The following AGAP1 variants were observed in gnomAD, a reference collection of about 807,000 sequenced individuals.
AGAP1 encodes arf-GAP with GTPase, ANK repeat and PH domain-containing protein 1.
A neutral mutation model predicts 105.3 loss-of-function variants in AGAP1; 29 were observed. The ratio of observed to expected loss-of-function variants is 0.28; its 90% CI spans 0.21 to 0.38. AGAP1 has a LOEUF of 0.38. Among genes scored for constraint, AGAP1 ranks in the 10% least tolerant of loss-of-function variants. The pLI is 1.00. For synonymous variants in AGAP1, 509 were observed against 485.9 expected, an observed-to-expected ratio of 1.05 and a Z score of -0.63; for missense variants, 998 against 1,165.1, an observed-to-expected ratio of 0.86 and a Z score of 2.09.
In AGAP1 at chr2:236,040,626, T is replaced by C. The variant is rs1224065816; in HGVS notation, c.1801-125T>C. The stretch of plus-strand genomic sequence containing the variant: ...CCAAAGACATCAAAACAAGAGTGAT[T>C]GTTTAGAAATTACCCTCGTCCTACA... On this transcript the variant is annotated intron_variant, in intron 14 of 17. Transcript: ENST00000304032. This position sits in a 1 kb window ranked among gnomAD's most constrained non-coding sequence, Gnocchi z 5.6. 1.7e-6 allele frequency: 1 copy of C among 594,882 alleles called. No homozygotes were observed. The highest frequency in any genetic ancestry group is 2.0e-5 in the African/African-American group (1 of 50,496). 36.9% of individuals were successfully genotyped at this position (594,882 alleles called of 1,614,324 possible). A position where few individuals can be genotyped will look rare whatever the true frequency, so the allele number is the denominator to read the frequency against.
In AGAP1 at chr2:236,005,899, C is replaced by T. The variant is rs574576320; in HGVS notation, c.1646-30662C>T. ...AGGTAGTGTCTGTCAAGTTATTCTG[C>T]TGTAAAGTCATTGTGCCCCTCCACA... On this transcript the variant is annotated intron_variant, in intron 13 of 17. Transcript: ENST00000304032. This position sits in a 1 kb window ranked among gnomAD's most constrained non-coding sequence, Gnocchi z 4.1. 1.3e-5 allele frequency among the ~76,000 whole-genome samples: 2 copies of T among 152,294 alleles called. No individual in the cohort carries two copies. Among genetic ancestry groups the T allele is most frequent in the African/African-American group, 4.8e-5 (2 of 41,566 alleles).
At chr2:235,903,820 A>G (rs894257589) in intron 10 of AGAP1, among the ~76,000 whole-genome samples, 1 of 152,050 alleles carries the variant, frequency 6.6e-6, no homozygotes, top group Non-Finnish European at 1.5e-5. Flanking sequence ...AGTGTTACTC[A>G]TTTGGTAACC....
chr2:235,738,689 C>T (rs1263592815), intron 3 of AGAP1, among the ~76,000 whole-genome samples: 1 of 151,814 alleles, frequency 6.6e-6, no homozygotes, highest in African/African-American at 2.4e-5. Flanking sequence ...TCCCGAGTAG[C>T]TGGGATTACA....
In AGAP1 at chr2:235,865,373, C is replaced by T. The variant is rs959558558; in HGVS notation, c.1051-17972C>T. On this transcript the variant is annotated intron_variant, in intron 9 of 17. Coordinates refer to ENST00000304032, the MANE Select transcript of AGAP1 (RefSeq NM_001037131.3). This position sits in a 1 kb window ranked among gnomAD's most constrained non-coding sequence, Gnocchi z 6.2. The stretch of plus-strand genomic sequence containing the variant: ...CTGTGTGTGGCGCAGCCTTGGGTTC[C>T]GCAAATAGGGCACCCACAGTAACAC... Among the ~76,000 whole-genome samples the T allele has an allele frequency of 2.0e-5, 3 of 152,136 alleles. No individual in the cohort carries two copies. The highest frequency in any genetic ancestry group is 4.8e-5 in the African/African-American group (2 of 41,422).
rs2059975158 is a variant in AGAP1 at position 236,124,632 on chromosome 2, G to T, written c.*510G>T. ...TCAGGTTTGAAGCCCCTATGATGGT[G>T]TGTGTCAAATCAGTTGTAGCTAATC... On this transcript the variant is annotated 3_prime_UTR_variant, in exon 18 of 18. Coordinates refer to ENST00000304032, the MANE Select transcript of AGAP1 (RefSeq NM_001037131.3). This position sits in a 1 kb window ranked among gnomAD's most constrained non-coding sequence, Gnocchi z 5.1. 5.4e-6 allele frequency: 1 copy of T among 183,662 alleles called. No individual in the cohort carries two copies. The highest frequency in any genetic ancestry group is 1.2e-5 in the Non-Finnish European group (1 of 86,636). The allele number at this position is 183,662 out of a possible 1,614,324, so 11.4% of individuals were successfully genotyped here. A position where few individuals can be genotyped will look rare whatever the true frequency, so the allele number is the denominator to read the frequency against.
intron 1 of AGAP1, among the ~76,000 whole-genome samples, chr2:235,499,028 C>T (rs1008658727): frequency 1.3e-5 from 2 of 152,168 alleles, no homozygotes; most frequent in African/African-American, 2.4e-5. Flanking sequence ...CCACAGAGTG[C>T]GGAGTGTCTG....
Position 235,633,500 on chromosome 2 carries a change from G to A in AGAP1, c.164-75679G>A, listed in dbSNP as rs1368385907. On this transcript the variant is annotated intron_variant, in intron 1 of 17. Coordinates refer to ENST00000304032, the MANE Select transcript of AGAP1 (RefSeq NM_001037131.3). The surrounding 1 kb of genome is among the most constrained non-coding windows in gnomAD (Gnocchi z 4.8). ...TTCCAGCTACTCGGGGGCTAAAGCA[G>A]GAGAATCCCTCGAACCCAGGAGGAG... Among the ~76,000 whole-genome samples the A allele has an allele frequency of 6.6e-6, 1 of 152,166 alleles. No individual in the cohort carries two copies. The highest frequency in any genetic ancestry group is 2.4e-5 in the African/African-American group (1 of 41,438).
intron 6 of AGAP1, among the ~76,000 whole-genome samples, chr2:235,780,752 T>C (rs187653892): frequency 2.2e-4 from 34 of 152,350 alleles, no homozygotes; most frequent in South Asian, 1.2e-3. Context: ...CTTTTAGATT[T>C]GCTTCTGAAC....
chr2:236,075,469 G>A (rs537098502), intron 16 of AGAP1, among the ~76,000 whole-genome samples: 12 of 152,172 alleles, frequency 7.9e-5, no homozygotes, highest in Non-Finnish European at 1.8e-4. Flanking sequence ...TGCCCCCTTG[G>A]ACATCGTAAT....
chr2:236,037,589 G>A (rs2057421053), intron 14 of AGAP1, among the ~76,000 whole-genome samples: 1 of 152,030 alleles, frequency 6.6e-6, no homozygotes, highest in African/African-American at 2.4e-5. Flanking sequence ...TATATTATTT[G>A]TGGAGGTGGG....
intron 16 of AGAP1, among the ~76,000 whole-genome samples, chr2:236,077,135 A>AT (rs2058658463): frequency 6.9e-6 from 1 of 144,854 alleles, no homozygotes; most frequent in Non-Finnish European, 1.5e-5. Context: ...AGAAAAAAAA[A>AT]AAAAAAAATA....
intron 1 of AGAP1, among the ~76,000 whole-genome samples, chr2:235,593,056 C>T (rs1945404257): frequency 6.6e-6 from 1 of 152,132 alleles, no homozygotes; most frequent in African/African-American, 2.4e-5. Flanking sequence ...TTCACCTGAC[C>T]AGGTGAGAGA....
intron 16 of AGAP1, among the ~76,000 whole-genome samples, chr2:236,107,615 C>T (rs1242593272): frequency 6.6e-6 from 1 of 152,302 alleles, no homozygotes; most frequent in South Asian, 2.1e-4. Context: ...GAACCTCAGG[C>T]GAAGGTTTGG....
chr2:235,809,088 G>A (rs1957990575), intron 9 of AGAP1, among the ~76,000 whole-genome samples: 1 of 152,066 alleles, frequency 6.6e-6, no homozygotes, highest in South Asian at 2.1e-4. Context: ...CTTAATGCCT[G>A]TCTGTGGTTG....
chr2:235,681,723 A>G (rs1053564772), intron 1 of AGAP1, among the ~76,000 whole-genome samples: 39 of 152,130 alleles, frequency 2.6e-4, no homozygotes, highest in African/African-American at 8.9e-4. Context: ...ACTCTGTGTT[A>G]ATTGACTTTT....
At chr2:236,112,524 C>G (rs943076735) in intron 16 of AGAP1, among the ~76,000 whole-genome samples, 3 of 152,218 alleles carry the variant, frequency 2.0e-5, no homozygotes, top group Non-Finnish European at 4.4e-5. Flanking sequence ...TTCCCTCCCT[C>G]CTGATCTGTT....
At chr2:235,944,941 T>C (rs142540097) in intron 12 of AGAP1, among the ~76,000 whole-genome samples, 1 of 152,328 alleles carries the variant, frequency 6.6e-6, no homozygotes, top group African/African-American at 2.4e-5. Context: ...ACATAGGACC[T>C]TCTCCTGGGG....
intron 9 of AGAP1, among the ~76,000 whole-genome samples, chr2:235,839,208 T>A (rs1417756761): frequency 6.6e-6 from 1 of 152,214 alleles, no homozygotes; most frequent in Non-Finnish European, 1.5e-5. Context: ...ATAGAAAGTC[T>A]GAGAACACAA....
intron 1 of AGAP1, among the ~76,000 whole-genome samples, chr2:235,561,039 G>A (rs979046852): frequency 1.3e-5 from 2 of 152,320 alleles, no homozygotes; most frequent in Non-Finnish European, 1.5e-5. Context: ...TGGAGTGGGT[G>A]CCGCTGCCTG....
Sources: allele counts gnomAD v4.1 joint callset (sites outside exome capture counted in the v4.1 genomes callset), GRCh38; gene constraint gnomAD v4.1.1; non-coding constraint Gnocchi (gnomAD v3.1); transcripts MANE v1.5; gene names NCBI Gene and HGNC (gene_info 2026-07-23, HGNC 2026-07-21).